AATK: variants seen among roughly 807,000 people sequenced by gnomAD.
AATK encodes serine/threonine-protein kinase LMTK1.
Under a neutral mutation model 114.3 loss-of-function variants are expected in AATK, and 91 were observed. That is an observed-to-expected ratio of 0.80 (90% CI 0.67 to 0.95). The LOEUF (loss-of-function observed/expected upper bound fraction) is 0.95, where lower values mean the gene tolerates loss of function less well. AATK is among the 40% of genes least tolerant of loss of function. The probability of loss-of-function intolerance (pLI) is 0.00; values close to 1 mark genes in which losing one functional copy is unlikely to be tolerated. For missense variants in AATK, 2,176 were observed against 1,965.2 expected (o/e 1.11, Z -2.03); for synonymous variants, 1,075 against 916.5 (o/e 1.17, Z -3.12).
chr17:81,147,280 G>C (rs2061234593), intron 1 of AATK, among the ~76,000 whole-genome samples: 1 of 149,246 alleles, frequency 6.7e-6, no homozygotes, highest in African/African-American at 2.5e-5. Context: ...AGAATCGCTT[G>C]AACCCGGAAG....
chr17:81,148,093 C>T (rs1305547965), intron 1 of AATK, among the ~76,000 whole-genome samples: 3 of 112,178 alleles, frequency 2.7e-5, no homozygotes, highest in Non-Finnish European at 5.7e-5. Flanking sequence ...AAAAAAAGAA[C>T]AGAAGAAAGC....
At position 81,145,107 on chromosome 17, in the gene AATK, C is replaced by A. The variant is rs1483351195; in HGVS notation, c.56-10606G>T. Reference sequence around the variant, plus strand: ...AATTAGCCAGGTGTGGTGGCAGGTGCCTGTAATCCCAGCTACTCAGGAGGC... The same window carrying A: ...AATTAGCCAGGTGTGGTGGCAGGTGACTGTAATCCCAGCTACTCAGGAGGC... On this transcript the variant is annotated intron_variant, in intron 1 of 13. Coordinates refer to ENST00000326724, the MANE Select transcript of AATK (RefSeq NM_001080395.3). Among the ~76,000 whole-genome samples the A allele has an allele frequency of 2.0e-5, 3 of 151,714 alleles. No homozygotes were observed. In the South Asian group the frequency reaches 6.2e-4, roughly 32 times the overall value.
In AATK at chr17:81,122,208, C is replaced by T. The variant is rs539880365; in HGVS notation, c.1728G>A (p.Pro576=). 40 of 1,500,488 alleles carry T rather than the reference C, an allele frequency of 2.7e-5. No homozygotes were observed. The highest frequency in any genetic ancestry group is 8.7e-5 in the South Asian group (7 of 80,424). 92.9% of individuals were successfully genotyped at this position (1,500,488 alleles called of 1,614,324 possible). A position where few individuals can be genotyped will look rare whatever the true frequency, so the allele number is the denominator to read the frequency against. The change falls in exon 11 of 14, where the codon CCG becomes CCA. Residue 576 remains proline (P), a synonymous_variant. Coordinates refer to ENST00000326724, the MANE Select transcript of AATK (RefSeq NM_001080395.3). Reference sequence around the variant, plus strand: ...CGACGGGTGGCCCGTGGCCCAGCAGCGGCTCCATGGCCAGCGAGGCGGCGG... The same window carrying T: ...CGACGGGTGGCCCGTGGCCCAGCAGTGGCTCCATGGCCAGCGAGGCGGCGG... ...GSTAASLAME[P]LLGHGPPVDV...
At position 81,121,448 on chromosome 17, in the gene AATK, C is replaced by T. The variant is rs1306397147; in HGVS notation, c.2488G>A (p.Ala830Thr). 5 of 1,596,170 alleles carry T rather than the reference C, an allele frequency of 3.1e-6. No homozygotes were observed. Among genetic ancestry groups the T allele is most frequent in the Non-Finnish European group, 3.4e-6 (4 of 1,171,306 alleles). Reference protein sequence around the residue: ...PDALPDSPTPATGGEVSAIKL... With the variant: ...PDALPDSPTPTTGGEVSAIKL... ...ATGGCAGACACCTCGCCACCAGTAGCAGGCGTGGGAGAGTCAGGCAGGGCA... is the reference window on the plus strand; with the variant it reads ...ATGGCAGACACCTCGCCACCAGTAGTAGGCGTGGGAGAGTCAGGCAGGGCA... Residue 830 changes from alanine to threonine, a missense_variant, in exon 11 of 14, where the codon GCT (alanine) becomes ACT (threonine). Ala to Thr is a moderately conservative substitution (Grantham distance 58, BLOSUM62 0). This residue lies in a region of AATK where 1,701 missense variants were observed against 1,394.7 expected (regional missense o/e 1.22). Transcript: ENST00000326724.
At chr17:81,128,644 T>C in intron 3 of AATK, 95 bp from the exon 4 acceptor site, 1 of 1,529,818 alleles carries the variant, frequency 6.5e-7, no homozygotes, top group East Asian at 2.5e-5. Context: ...CTTGGCCTTT[T>C]CTGGGAAACT....
At chr17:81,125,958 G>A (rs568467511) in intron 7 of AATK, 21 of 480,176 alleles carry the variant, frequency 4.4e-5, no homozygotes, top group Admixed American at 9.0e-5. Context: ...GAGGACAGCC[G>A]TGCGGCGTCT....
At chr17:81,140,893 G>GGA in intron 1 of AATK, among the ~76,000 whole-genome samples, 1 of 137,196 alleles carries the variant, frequency 7.3e-6, no homozygotes, top group Non-Finnish European at 1.6e-5. Context: ...GGGACCGTGA[G>GGA]CTGTGAGCCG....
At position 81,123,188 on chromosome 17, in the gene AATK, C is replaced by T. The variant is rs1373861396; in HGVS notation, c.1112+6G>A. 2.1e-6 allele frequency: 3 copies of T among 1,422,960 alleles called. No individual in the cohort carries two copies. The highest frequency in any genetic ancestry group is 2.7e-6 in the Non-Finnish European group (3 of 1,092,128). 88.1% of individuals were successfully genotyped at this position (1,422,960 alleles called of 1,614,324 possible). A position where few individuals can be genotyped will look rare whatever the true frequency, so the allele number is the denominator to read the frequency against. On this transcript the variant is annotated splice_donor_region_variant and intron_variant, in intron 10 of 13. Coordinates refer to ENST00000326724, the MANE Select transcript of AATK (RefSeq NM_001080395.3). The stretch of plus-strand genomic sequence containing the variant: ...GCTGTCCGGGACAGGGCAGTGGGGC[C>T]CTCACCAGCGGTCCGACAGGGTCAG...
chr17:81,158,812 C>T (rs2061397357), intron 1 of AATK, among the ~76,000 whole-genome samples: 1 of 152,232 alleles, frequency 6.6e-6, no homozygotes, highest in Admixed American at 6.5e-5. Flanking sequence ...CAGCAGCCAG[C>T]ACTGGCGGGA....
intron 1 of AATK, among the ~76,000 whole-genome samples, chr17:81,135,377 G>C (rs112503182): frequency 3.3e-5 from 5 of 152,184 alleles, no homozygotes; most frequent in African/African-American, 1.2e-4. Context: ...CTATCCCCTG[G>C]GCCTGCCCCG....
chr17:81,151,949 C>A (rs747176573), intron 1 of AATK, among the ~76,000 whole-genome samples: 23 of 152,192 alleles, frequency 1.5e-4, no homozygotes, highest in Non-Finnish European at 2.9e-4. Context: ...ACTTCCAACC[C>A]CTCACAGGCA....
At chr17:81,138,379 G>A (rs1478376639) in intron 1 of AATK, among the ~76,000 whole-genome samples, 1 of 121,408 alleles carries the variant, frequency 8.2e-6, no homozygotes, top group Non-Finnish European at 1.7e-5. Flanking sequence ...ATGGACACAC[G>A]GGCACACGTG....
chr17:81,128,515 G>A lies in AATK; in HGVS notation c.369C>T (p.His123=), dbSNP rs2060882513. Residue 123 remains histidine (H), a synonymous_variant, in exon 4 of 14, where the codon CAC becomes CAT. Coordinates refer to ENST00000326724, the MANE Select transcript of AATK (RefSeq NM_001080395.3). The part of the protein sequence containing the change: ...QLLKSTDVGR[H]SLLYLKEIGR... ...CGATTTCCTTCAGGTACAGGAGGCT[G>A]TGCCGGCCCACGTCTGTGGACTTGA... 1 of 1,549,242 alleles carries A rather than the reference G, an allele frequency of 6.5e-7. No homozygotes were observed. Among genetic ancestry groups the A allele is most frequent in the African/African-American group, 1.4e-5 (1 of 72,986 alleles).
At chr17:81,131,395 G>T (rs977968747) in intron 2 of AATK, among the ~76,000 whole-genome samples, 190 bp from the exon 3 acceptor site, 2 of 152,156 alleles carry the variant, frequency 1.3e-5, no homozygotes, top group African/African-American at 4.8e-5. Flanking sequence ...CCTTCCATCT[G>T]TCTCCTCTTG....
intron 1 of AATK, among the ~76,000 whole-genome samples, chr17:81,150,672 C>T (rs2061283516): frequency 6.6e-6 from 1 of 152,188 alleles, no homozygotes; most frequent in South Asian, 2.1e-4. Context: ...CCCCCTGGCA[C>T]TGCCACGTGG....
intron 1 of AATK, among the ~76,000 whole-genome samples, chr17:81,144,175 T>C (rs1453265328): frequency 6.6e-6 from 1 of 152,222 alleles, no homozygotes; most frequent in Non-Finnish European, 1.5e-5. Flanking sequence ...TTTCACCTTT[T>C]GTGGCACCAA....
intron 10 of AATK, 109 bp downstream of exon 10, chr17:81,123,085 G>A: frequency 8.0e-7 from 1 of 1,252,380 alleles, no homozygotes; most frequent in Non-Finnish European, 1.0e-6. Flanking sequence ...GGGGAGGGGA[G>A]ACCAGGCAGG....
Position 81,157,411 on chromosome 17 carries a change from C to G in AATK, c.55+8527G>C, listed in dbSNP as rs935533675. ...CCTCCACGCACATGCCTGCCGCACA[C>G]GCTGGCAGCCCCAAGGTGGGCATCC... On this transcript the variant is annotated intron_variant, in intron 1 of 13. Coordinates refer to ENST00000326724, the MANE Select transcript of AATK (RefSeq NM_001080395.3). Among the ~76,000 whole-genome samples the G allele has an allele frequency of 7.0e-4, 107 of 152,204 alleles. 7 individuals carry two copies. Among genetic ancestry groups the G allele is most frequent in the Non-Finnish European group, 1.5e-5 (1 of 68,018 alleles).
chr17:81,129,984 G>A (rs968417190), intron 3 of AATK, among the ~76,000 whole-genome samples: 2 of 152,252 alleles, frequency 1.3e-5, no homozygotes, highest in Admixed American at 6.5e-5. Flanking sequence ...CCAAAGCTGG[G>A]GGCTGGGGGC....
Sources: gnomAD v4.1 joint callset for allele counts (sites outside exome capture counted in the v4.1 genomes callset) on GRCh38, gnomAD v4.1.1 for gene constraint, gnomAD v4.1.1 regional missense constraint, MANE v1.5 for transcripts, NCBI Gene and HGNC (gene_info 2026-07-23, HGNC 2026-07-21) for gene names.